UGT1A4: variants seen among roughly 807,000 people sequenced by gnomAD.
UGT1A4 encodes the protein UDP glucuronosyltransferase family 1 member A4.
UGT1A4 carries 32 observed loss-of-function variants against 41.1 expected under a neutral mutation model. That is an observed-to-expected ratio of 0.78 (90% CI 0.59 to 1.05). The LOEUF (loss-of-function observed/expected upper bound fraction) is 1.05, where lower values mean the gene tolerates loss of function less well. Among genes scored for constraint, UGT1A4 ranks in the 50% least tolerant of loss-of-function variants. The pLI, the probability that UGT1A4 is intolerant of heterozygous loss-of-function variation, is 0.00. For synonymous variants in UGT1A4, 283 were observed against 265.1 expected, an observed-to-expected ratio of 1.07 and a Z score of -0.66; for missense variants, 748 against 677.4, an observed-to-expected ratio of 1.10 and a Z score of -1.16.
At chr2:233,744,855 G>A (rs1452590480) in intron 1 of UGT1A4, among the ~76,000 whole-genome samples, 1 of 151,856 alleles carries the variant, frequency 6.6e-6, no homozygotes, top group Non-Finnish European at 1.5e-5. Flanking sequence ...GTAGTCCTTG[G>A]TATTCTGAAG....
At position 233,772,278 on chromosome 2, in the gene UGT1A4, A is replaced by G. The variant is rs1289153891; in HGVS notation, c.1324A>G (p.Met442Val). 6.2e-7 allele frequency: 1 copy of G among 1,614,252 alleles called. No homozygotes were observed. Among genetic ancestry groups the G allele is most frequent in the Admixed American group, 1.7e-5 (1 of 60,036 alleles). Residue 442 changes from methionine to valine, a missense_variant, in exon 5 of 5, where the codon ATG becomes GTG. By Grantham distance (21) the Met-to-Val change is conservative. Coordinates refer to ENST00000373409, the MANE Select transcript of UGT1A4 (RefSeq NM_007120.3). Reference sequence around the variant, plus strand: ...TGTGTTTAGTTACAAGGAGAACATCATGCGCCTCTCCAGCCTTCACAAGGA... The same window carrying G: ...TGTGTTTAGTTACAAGGAGAACATCGTGCGCCTCTCCAGCCTTCACAAGGA... ...INDKSYKENI[M>V]RLSSLHKDRP... is the part of the protein sequence containing the mutation.
intron 3 of UGT1A4, 35 bp downstream of exon 3, chr2:233,767,971 A>C (rs71537802): frequency 2.1e-4 from 336 of 1,614,092 alleles, no homozygotes; most frequent in Non-Finnish European, 2.7e-4. Context: ...AGGTCAAACC[A>C]GGGTCAAATT....
At chr2:233,759,816 G>A (rs540177588) in intron 1 of UGT1A4, among the ~76,000 whole-genome samples, 1 of 152,166 alleles carries the variant, frequency 6.6e-6, no homozygotes, top group Non-Finnish European at 1.5e-5. Flanking sequence ...AGGCAGTACC[G>A]GGGGAGCTGT....
chr2:233,745,046 G>T (rs1021131728), intron 1 of UGT1A4, among the ~76,000 whole-genome samples: 1 of 151,780 alleles, frequency 6.6e-6, no homozygotes, highest in African/African-American at 2.4e-5. Flanking sequence ...TACAGTATTG[G>T]TTTTTTATTT....
At chr2:233,746,950 G>T (rs1693515132) in intron 1 of UGT1A4, among the ~76,000 whole-genome samples, 1 of 151,804 alleles carries the variant, frequency 6.6e-6, no homozygotes. Context: ...AGAAACAAGA[G>T]CTTGAACTTG....
intron 1 of UGT1A4, among the ~76,000 whole-genome samples, chr2:233,749,703 T>C (rs1694254740): frequency 1.3e-5 from 2 of 151,790 alleles, no homozygotes; most frequent in Non-Finnish European, 2.9e-5. Flanking sequence ...TGGGAGGTGA[T>C]TGGATCATGG....
At position 233,769,465 on chromosome 2, in the gene UGT1A4, G is replaced by C. The variant is rs34036745; in HGVS notation, c.1307+1026G>C. On this transcript the variant is annotated intron_variant, in intron 4 of 4. Coordinates refer to ENST00000373409, the MANE Select transcript of UGT1A4 (RefSeq NM_007120.3). This position sits in a 1 kb window ranked among gnomAD's most constrained non-coding sequence, Gnocchi z 4.4. The stretch of plus-strand genomic sequence containing the variant: ...GGTGCACACGTGTGCATTCATATGC[G>C]TGTGTGTGTGTGTGCGTGTGTTTAT... The C allele has an allele frequency of 4.2e-4, 555 of 1,316,536 alleles. 2 individuals are homozygous for C. The African/African-American group carries it at 7.4e-3, about 18-fold the overall frequency. 81.6% of individuals were successfully genotyped at this position (1,316,536 alleles called of 1,614,324 possible). A position where few individuals can be genotyped will look rare whatever the true frequency, so the allele number is the denominator to read the frequency against.
intron 1 of UGT1A4, among the ~76,000 whole-genome samples, chr2:233,753,939 G>C (rs753977947): frequency 3.0e-4 from 45 of 152,164 alleles, no homozygotes; most frequent in Non-Finnish European, 6.2e-4. Flanking sequence ...GGATTCAAAT[G>C]TATGACCTCC....
chr2:233,721,249 T>C (rs2076931070), intron 1 of UGT1A4, among the ~76,000 whole-genome samples: 1 of 152,214 alleles, frequency 6.6e-6, no homozygotes, highest in Non-Finnish European at 1.5e-5. Flanking sequence ...GTAAAAAATA[T>C]ATATGTTCTT....
intron 4 of UGT1A4, among the ~76,000 whole-genome samples, chr2:233,768,799 G>C (rs1295681406): frequency 6.6e-6 from 1 of 151,984 alleles, no homozygotes; most frequent in Admixed American, 6.6e-5. Flanking sequence ...TGTCAGGCTG[G>C]TCTTGAACTC....
chr2:233,746,991 T>G (rs560743202), intron 1 of UGT1A4, among the ~76,000 whole-genome samples: 1 of 151,932 alleles, frequency 6.6e-6, no homozygotes, highest in Non-Finnish European at 1.5e-5. Context: ...CAGGGTCAGA[T>G]GAGTTTTTCA....
chr2:233,755,203 A>T, intron 1 of UGT1A4: 1 of 1,097,556 alleles, frequency 9.1e-7, no homozygotes, highest in African/African-American at 1.6e-5. Flanking sequence ...AGCTTGCGGT[A>T]CGCCTTCTTG....
At chr2:233,743,979 A>G (rs1692622611) in intron 1 of UGT1A4, 33 of 1,306,002 alleles carry the variant, frequency 2.5e-5, no homozygotes, top group South Asian at 6.3e-5. Context: ...GCCAGCACCC[A>G]GGCGCAGGCC....
chr2:233,744,090 T>G (rs1692690512), intron 1 of UGT1A4: 7 of 425,206 alleles, frequency 1.6e-5, no homozygotes, highest in South Asian at 1.4e-4. Context: ...CAAGATGCAG[T>G]GCTTCTGGGA....
chr2:233,760,379 TG>T (rs1308601724), intron 1 of UGT1A4: 1 of 1,614,196 alleles, frequency 6.2e-7, no homozygotes, highest in East Asian at 2.2e-5. Flanking sequence ...GGGAAGATAC[TG>T]TTGATCCCAG....
At position 233,725,216 on chromosome 2, in the gene UGT1A4, AGAG is replaced by A. The variant is rs1223079485; in HGVS notation, c.867+5534_867+5536del. ...CAGAGGCAGAGGCAGAGGCAGAGGCAGAGGAGGCAGAGGCAGAGGAGGCAGAGG... is the reference window on the plus strand; with the variant it reads ...CAGAGGCAGAGGCAGAGGCAGAGGCAGAGGCAGAGGCAGAGGAGGCAGAGG... On this transcript the variant is annotated intron_variant, in intron 1 of 4. Transcript: ENST00000373409. 1.2e-3 allele frequency among the ~76,000 whole-genome samples: 54 copies of A among 45,286 alleles called. 21 individuals carry two copies. The highest frequency in any genetic ancestry group is 6.7e-3 in the African/African-American group (53 of 7,866). 29.7% of individuals were successfully genotyped at this position (45,286 alleles called of 152,430 possible). A position where few individuals can be genotyped will look rare whatever the true frequency, so the allele number is the denominator to read the frequency against.
In UGT1A4 at chr2:233,761,069, T is replaced by C. The variant is rs772142239; in HGVS notation, c.868-5965T>C. Reference sequence around the variant, plus strand: ...GTCTGGCTGTTTAGAAGTGACTTTGTGAAGGATTACCCTAGGCCCATCATG... The same window carrying C: ...GTCTGGCTGTTTAGAAGTGACTTTGCGAAGGATTACCCTAGGCCCATCATG... On this transcript the variant is annotated intron_variant, in intron 1 of 4. Coordinates refer to ENST00000373409, the MANE Select transcript of UGT1A4 (RefSeq NM_007120.3). 13 of 1,614,208 alleles carry C rather than the reference T, an allele frequency of 8.1e-6. No homozygotes were observed. In the East Asian group the frequency reaches 2.7e-4, roughly 33 times the overall value.
At chr2:233,726,039 A>T (rs544093615) in intron 1 of UGT1A4, among the ~76,000 whole-genome samples, 9 of 152,100 alleles carry the variant, frequency 5.9e-5, no homozygotes, top group Admixed American at 1.3e-4. Flanking sequence ...GATGGCGCAC[A>T]CCTGTGGTCC....
intron 1 of UGT1A4, chr2:233,722,014 C>G (rs2076986422): frequency 3.9e-6 from 1 of 254,156 alleles, no homozygotes; most frequent in Non-Finnish European, 7.9e-6. Context: ...AACAGGAAAA[C>G]TGAAACCTCT....
Sources: allele counts gnomAD v4.1 joint callset (sites outside exome capture counted in the v4.1 genomes callset), GRCh38; gene constraint gnomAD v4.1.1; non-coding constraint Gnocchi (gnomAD v3.1); transcripts MANE v1.5; gene names NCBI Gene and HGNC (gene_info 2026-07-23, HGNC 2026-07-21).